The following PCDHA11 variants were observed in gnomAD, a reference collection of about 807,000 sequenced individuals.
PCDHA11 encodes protocadherin alpha-11.
Under a neutral mutation model 70.3 loss-of-function variants are expected in PCDHA11, and 61 were observed. The ratio of observed to expected loss-of-function variants is 0.87; its 90% CI spans 0.71 to 1.07. The LOEUF (loss-of-function observed/expected upper bound fraction) is 1.07. Among genes scored for constraint, PCDHA11 ranks in the 50% least tolerant of loss-of-function variants. The probability of loss-of-function intolerance (pLI) is 0.00; values close to 1 mark genes in which losing one functional copy is unlikely to be tolerated. For missense variants in PCDHA11, 1,324 were observed against 1,237.5 expected (o/e 1.07, Z -1.05); for synonymous variants, 633 against 555.1 (o/e 1.14, Z -1.97).
intron 1 of PCDHA11, among the ~76,000 whole-genome samples, chr5:140,903,649 T>C (rs1335268583): frequency 6.6e-6 from 1 of 152,236 alleles, no homozygotes; most frequent in Non-Finnish European, 1.5e-5. Context: ...CATATACATA[T>C]ATTATAAATT....
intron 1 of PCDHA11, among the ~76,000 whole-genome samples, chr5:140,970,978 A>G (rs2096449048): frequency 1.3e-5 from 2 of 152,188 alleles, no homozygotes; most frequent in African/African-American, 4.8e-5. Flanking sequence ...ATTAAGAAAA[A>G]TGGGGGAATA....
chr5:141,002,273 AC>A (rs748746747), intron 3 of PCDHA11, among the ~76,000 whole-genome samples: 69 of 152,308 alleles, frequency 4.5e-4, no homozygotes, highest in Non-Finnish European at 9.1e-4. Flanking sequence ...AGAGCTGGTA[AC>A]AAAGGGATGA....
intron 1 of PCDHA11, chr5:140,883,208 A>G: frequency 6.2e-7 from 1 of 1,614,034 alleles, no homozygotes; most frequent in Non-Finnish European, 8.5e-7. Flanking sequence ...CGAAGAAAAG[A>G]AATTATATGA....
At chr5:140,999,159 G>A (rs1056236953) in intron 3 of PCDHA11, among the ~76,000 whole-genome samples, 2 of 152,182 alleles carry the variant, frequency 1.3e-5, no homozygotes, top group African/African-American at 2.4e-5. Flanking sequence ...CAGTCCCCTA[G>A]AAGGAAAAGA....
At position 140,968,861 on chromosome 5, in the gene PCDHA11, C is replaced by G; in HGVS notation, c.2392-10088C>G. 1.9e-6 allele frequency: 3 copies of G among 1,614,182 alleles called. No homozygotes were observed. In the South Asian group the frequency reaches 3.3e-5, roughly 18 times the overall value. ...CACTCAGAGGCATGTTAAGAGCCCT[C>G]GGACATACTCTGAAATTACCCTTTA... is the stretch of plus-strand genomic sequence containing the variant. On this transcript the variant is annotated intron_variant, in intron 1 of 3. Coordinates refer to ENST00000398640, the MANE Select transcript of PCDHA11 (RefSeq NM_018902.5).
chr5:140,886,004 A>G lies in PCDHA11; in HGVS notation c.2391+14510A>G, dbSNP rs544401095. On this transcript the variant is annotated intron_variant, in intron 1 of 3. Transcript: ENST00000398640. Reference sequence around the variant, plus strand: ...TCGCATGTGGTTGAAAGAAATAGTAAAGGGAGATGCTATGTATTCTTCACT... The same window carrying G: ...TCGCATGTGGTTGAAAGAAATAGTAGAGGGAGATGCTATGTATTCTTCACT... Among the ~76,000 whole-genome samples, 7 of 152,268 alleles carry G rather than the reference A, an allele frequency of 4.6e-5. No homozygotes were observed. In the East Asian group the frequency reaches 1.3e-3, roughly 29 times the overall value.
intron 1 of PCDHA11, among the ~76,000 whole-genome samples, chr5:140,971,967 A>C (rs2096509788): frequency 6.6e-6 from 1 of 152,118 alleles, no homozygotes; most frequent in Non-Finnish European, 1.5e-5. Flanking sequence ...ACTTTTTTTC[A>C]ATACTATGAG....
chr5:140,927,254 C>T, intron 1 of PCDHA11: 2 of 1,614,132 alleles, frequency 1.2e-6, no homozygotes, highest in Non-Finnish European at 1.7e-6. Flanking sequence ...AATGACAACT[C>T]ACCTCTCTTT....
chr5:140,948,107 C>T (rs1156492592), intron 1 of PCDHA11, among the ~76,000 whole-genome samples: 3 of 151,432 alleles, frequency 2.0e-5, no homozygotes, highest in Middle Eastern at 3.2e-3. Flanking sequence ...GATTTTTCTT[C>T]GTTTTACTAA....
At position 140,929,021 on chromosome 5, in the gene PCDHA11, G is replaced by C. The variant is rs782118774; in HGVS notation, c.2392-49928G>C. On this transcript the variant is annotated intron_variant, in intron 1 of 3. Coordinates refer to ENST00000398640, the MANE Select transcript of PCDHA11 (RefSeq NM_018902.5). ...TTCGTGTGTACCAAGTTGCACCAGA[G>C]CCCAGGCTGTTGCGCTCAGAGCTGC... is the stretch of plus-strand genomic sequence containing the variant. The C allele has an allele frequency of 2.5e-6, 4 of 1,614,072 alleles. No individual in the cohort carries two copies. The African/African-American group carries it at 5.3e-5, about 22-fold the overall frequency.
At chr5:140,973,972 G>A (rs1467007704) in intron 1 of PCDHA11, among the ~76,000 whole-genome samples, 1 of 152,186 alleles carries the variant, frequency 6.6e-6, no homozygotes, top group Non-Finnish European at 1.5e-5. Flanking sequence ...TTTAAATGTG[G>A]CTTTTACAGA....
rs782550413 is a variant in PCDHA11 at position 140,869,419 on chromosome 5, C to G, written c.316C>G (p.Leu106Val). ...GCAGAGCGCGGAGTGCAGCATCCAC[C>G]TGGAGGTGATCGTGGACAGGCCGCT... Reference protein sequence around the residue: ...CGQSAECSIHLEVIVDRPLQV... With the variant: ...CGQSAECSIHVEVIVDRPLQV... The change falls in exon 1 of 4, where the codon CTG becomes GTG. Residue 106 changes from leucine to valine, a missense_variant. Leu to Val is a conservative substitution (Grantham distance 32, BLOSUM62 1). Transcript: ENST00000398640. 10 of 1,614,078 alleles carry G rather than the reference C, an allele frequency of 6.2e-6. No homozygotes were observed. The highest frequency in any genetic ancestry group is 1.3e-5 in the African/African-American group (1 of 74,936).
chr5:140,884,240 G>A (rs139927854), intron 1 of PCDHA11: 5 of 1,613,368 alleles, frequency 3.1e-6, no homozygotes, highest in African/African-American at 1.3e-5. Context: ...CGGTGAGCCC[G>A]CGCTGACGGC....
intron 1 of PCDHA11, among the ~76,000 whole-genome samples, chr5:140,975,592 C>A (rs2096673847): frequency 6.6e-6 from 1 of 152,170 alleles, no homozygotes; most frequent in Non-Finnish European, 1.5e-5. Context: ...TCCCAGAGGG[C>A]AATTTGTTGA....
At chr5:140,898,062 T>G (rs2066502065) in intron 1 of PCDHA11, among the ~76,000 whole-genome samples, 1 of 152,110 alleles carries the variant, frequency 6.6e-6, no homozygotes, top group African/African-American at 2.4e-5. Flanking sequence ...TAAATTTGTT[T>G]GAGTTCATTG....
chr5:140,969,210 C>T, intron 1 of PCDHA11: 10 of 1,614,184 alleles, frequency 6.2e-6, no homozygotes, highest in Non-Finnish European at 8.5e-6. Flanking sequence ...GGGGCCCAGA[C>T]AGGACCAGGG....
chr5:140,965,539 T>C (rs1554227755), intron 1 of PCDHA11, among the ~76,000 whole-genome samples: 1 of 152,034 alleles, frequency 6.6e-6, no homozygotes, highest in East Asian at 1.9e-4. Context: ...GGAATCCAAA[T>C]TCCAGCCTGG....
At chr5:140,875,979 C>T in intron 1 of PCDHA11, 5 of 1,613,984 alleles carry the variant, frequency 3.1e-6, no homozygotes, top group Non-Finnish European at 4.2e-6. Context: ...CTCTTTTGAC[C>T]TATGCGTTAA....
intron 1 of PCDHA11, among the ~76,000 whole-genome samples, chr5:140,907,440 C>T (rs781836409): frequency 4.6e-5 from 7 of 152,222 alleles, no homozygotes; most frequent in Non-Finnish European, 1.0e-4. Flanking sequence ...TGTGAGTCCA[C>T]AGATGGTAAT....
Sources: gnomAD v4.1 joint callset for allele counts (sites outside exome capture counted in the v4.1 genomes callset) on GRCh38, gnomAD v4.1.1 for gene constraint, MANE v1.5 for transcripts, NCBI Gene and HGNC (gene_info 2026-07-23, HGNC 2026-07-21) for gene names.